Variants in SNX29 observed in about 807,000 individuals in gnomAD.
SNX29 encodes sorting nexin-29.
Under a neutral mutation model 102.1 loss-of-function variants are expected in SNX29, and 78 were observed. That is an observed-to-expected ratio of 0.76 (90% CI 0.64 to 0.92). The LOEUF (loss-of-function observed/expected upper bound fraction) is 0.92, where lower values mean the gene tolerates loss of function less well. Among genes scored for constraint, SNX29 ranks in the 40% least tolerant of loss-of-function variants. The probability of loss-of-function intolerance (pLI) is 0.00; values close to 1 mark genes in which losing one functional copy is unlikely to be tolerated. For synonymous variants in SNX29, 580 were observed against 414.5 expected (o/e 1.40, Z -4.85); for missense variants, 1,280 against 1,061.7 (o/e 1.21, Z -2.86).
At chr16:12,425,681 G>T (rs953538070) in intron 18 of SNX29, among the ~76,000 whole-genome samples, 14 of 152,106 alleles carry the variant, frequency 9.2e-5, no homozygotes, top group African/African-American at 3.4e-4. Flanking sequence ...GCCTGGGCCA[G>T]TTCTACTCAA....
chr16:12,428,340 G>A (rs144402836), intron 18 of SNX29, among the ~76,000 whole-genome samples: 388 of 152,316 alleles, frequency 2.5e-3, no homozygotes, highest in Admixed American at 4.8e-3. Flanking sequence ...TCAGGGTGGT[G>A]TCCATTCCAA....
intron 16 of SNX29, among the ~76,000 whole-genome samples, chr16:12,381,966 A>G (rs1261129819): frequency 6.6e-6 from 1 of 151,574 alleles, no homozygotes; most frequent in Non-Finnish European, 1.5e-5. Context: ...TAGTGGATAC[A>G]GTTGTGCAAA....
At chr16:12,465,499 G>A (rs1004616691) in intron 18 of SNX29, among the ~76,000 whole-genome samples, 3 of 152,148 alleles carry the variant, frequency 2.0e-5, no homozygotes, top group African/African-American at 7.2e-5. Context: ...CTTGGTGGCT[G>A]TGTCACAGAT....
intron 20 of SNX29, among the ~76,000 whole-genome samples, chr16:12,545,076 C>G (rs1434986530): frequency 1.3e-5 from 2 of 152,156 alleles, no homozygotes; most frequent in East Asian, 3.9e-4. Context: ...ACGAAATGCA[C>G]TGTGCCAGCC....
Position 12,277,575 on chromosome 16 carries a change from C to T in SNX29, c.1679-358C>T, listed in dbSNP as rs149030606. 9.8e-3 allele frequency among the ~76,000 whole-genome samples: 1,492 copies of T among 152,170 alleles called. 79 individuals carry two copies. The highest frequency in any genetic ancestry group is 0.086 in the Admixed American group (1,310 of 15,286). On this transcript the variant is annotated intron_variant, in intron 14 of 20. Transcript: ENST00000566228. ...CTTGCATTTTAAAAATACAGCTTATCGCTTTTTATTTTTTTAAGTGACAAA... is the reference window on the plus strand; with the variant it reads ...CTTGCATTTTAAAAATACAGCTTATTGCTTTTTATTTTTTTAAGTGACAAA...
intron 1 of SNX29, among the ~76,000 whole-genome samples, chr16:11,985,202 G>A (rs571295306): frequency 6.6e-6 from 1 of 152,148 alleles, no homozygotes; most frequent in East Asian, 1.9e-4. Flanking sequence ...GGGCTCTGGT[G>A]GAAGCAGAGG....
In SNX29 at chr16:12,570,732, G is replaced by C. The variant is rs1452166516; in HGVS notation, c.*2103G>C. ...CAGGATGTGAATTGGTCTCTCTCCA[G>C]ATACCCCACGAGGAAGCACCTTGGA... On this transcript the variant is annotated 3_prime_UTR_variant, in exon 21 of 21. Coordinates refer to ENST00000566228, the MANE Select transcript of SNX29 (RefSeq NM_032167.5). The C allele has an allele frequency of 4.3e-6, 1 of 232,240 alleles. No individual in the cohort carries two copies. The highest frequency in any genetic ancestry group is 8.5e-6 in the Non-Finnish European group (1 of 117,588). The allele number at this position is 232,240 out of a possible 1,614,324, so 14.4% of individuals were successfully genotyped here.
intron 11 of SNX29, among the ~76,000 whole-genome samples, chr16:12,119,314 C>T (rs969327318): frequency 4.6e-5 from 7 of 152,178 alleles, no homozygotes; most frequent in Admixed American, 6.5e-5. Context: ...ATTCGTAGTA[C>T]AAATCTTTAT....
chr16:11,985,156 T>A (rs559663209), intron 1 of SNX29, among the ~76,000 whole-genome samples: 1 of 152,278 alleles, frequency 6.6e-6, no homozygotes, highest in East Asian at 1.9e-4. Flanking sequence ...TTTTCCAAAG[T>A]GGTTGCACTA....
At chr16:12,003,776 G>A (rs2056369005) in intron 3 of SNX29, among the ~76,000 whole-genome samples, 1 of 152,220 alleles carries the variant, frequency 6.6e-6, no homozygotes, top group African/African-American at 2.4e-5. Flanking sequence ...CAAGGCTGAG[G>A]CAGGTGGATC....
chr16:12,481,560 A>C (rs892330449), intron 19 of SNX29, among the ~76,000 whole-genome samples: 2 of 140,028 alleles, frequency 1.4e-5, no homozygotes, highest in African/African-American at 5.4e-5. Context: ...ACACACCCCA[A>C]ATGTCACCCT....
intron 12 of SNX29, among the ~76,000 whole-genome samples, chr16:12,127,288 AT>A (rs1323751871): frequency 2.0e-5 from 3 of 152,044 alleles, no homozygotes; most frequent in Non-Finnish European, 2.9e-5. Context: ...AAATAAAAAA[AT>A]AAATGAAGTG....
intron 16 of SNX29, among the ~76,000 whole-genome samples, chr16:12,376,736 C>CAAAAAAAA (rs71408262): frequency 2.6e-5 from 2 of 77,926 alleles, no homozygotes; most frequent in African/African-American, 5.3e-5. Context: ...GACTCTGTCT[C>CAAAAAAAA]AAAAAAAAAA....
chr16:12,546,024 A>C (rs2077584483), intron 20 of SNX29, among the ~76,000 whole-genome samples: 1 of 152,146 alleles, frequency 6.6e-6, no homozygotes. Context: ...AAACAAAAAA[A>C]CCCACACCCT....
intron 15 of SNX29, among the ~76,000 whole-genome samples, chr16:12,282,198 G>C (rs953442368): frequency 2.0e-5 from 3 of 151,426 alleles, no homozygotes; most frequent in African/African-American, 7.3e-5. Flanking sequence ...GCTCATTGAA[G>C]AAGAAGGTTA....
intron 20 of SNX29, among the ~76,000 whole-genome samples, chr16:12,537,095 A>C (rs570071319): frequency 3.3e-5 from 5 of 152,312 alleles, no homozygotes; most frequent in African/African-American, 1.2e-4. Context: ...ATCTCCACCC[A>C]CGGTCAGTCC....
chr16:12,554,782 A>T (rs1425106599), intron 20 of SNX29, among the ~76,000 whole-genome samples: 1 of 152,178 alleles, frequency 6.6e-6, no homozygotes, highest in East Asian at 1.9e-4. Context: ...CCGCCATAGA[A>T]TGCAATTGTT....
intron 13 of SNX29, among the ~76,000 whole-genome samples, chr16:12,134,931 T>A (rs1480109247): frequency 6.6e-6 from 1 of 152,182 alleles, no homozygotes; most frequent in African/African-American, 2.4e-5. Flanking sequence ...CAAGCTGCCC[T>A]CTGCAGGCTG....
At chr16:12,388,839 G>T (rs2083426738) in intron 16 of SNX29, among the ~76,000 whole-genome samples, 1 of 152,180 alleles carries the variant, frequency 6.6e-6, no homozygotes, top group Non-Finnish European at 1.5e-5. Context: ...CTTGCACGTA[G>T]TGTTGGTAAG....
Sources: gnomAD v4.1 joint callset for allele counts (sites outside exome capture counted in the v4.1 genomes callset) on GRCh38, gnomAD v4.1.1 for gene constraint, MANE v1.5 for transcripts, NCBI Gene and HGNC (gene_info 2026-07-23, HGNC 2026-07-21) for gene names.